The following NREP variants were observed in gnomAD, a reference collection of about 807,000 sequenced individuals.
NREP encodes neuronal regeneration related protein.
A neutral mutation model predicts 8.6 loss-of-function variants in NREP; 5 were observed. The ratio of observed to expected loss-of-function variants is 0.58; its 90% CI spans 0.30 to 1.22. The LOEUF (loss-of-function observed/expected upper bound fraction) is 1.22, where lower values mean the gene tolerates loss of function less well. Among genes scored for constraint, NREP ranks in the 50% most tolerant of loss-of-function variants. The pLI is 0.07. For missense variants in NREP, 86 were observed against 82.5 expected, an observed-to-expected ratio of 1.04 and a Z score of -0.17; for synonymous variants, 27 against 28.0, an observed-to-expected ratio of 0.96 and a Z score of 0.11.
rs148725866 is a variant in NREP, at chr5:111,928,585, T to A, written c.135+46689A>T. ...CCTGATGAAATAATGTGTTGCCCCC[T>A]CTAATATTTTTCTACTGGAGCCTCT... is the stretch of plus-strand genomic sequence containing the variant. On this transcript the variant is annotated intron_variant, in intron 2 of 3. Transcript: ENST00000395634. Among the ~76,000 whole-genome samples, 61 of 152,262 alleles carry A rather than the reference T, an allele frequency of 4.0e-4. No individual in the cohort carries two copies. In the East Asian group the frequency reaches 0.012, roughly 29 times the overall value.
chr5:111,915,390 C>T (rs1025669274), intron 2 of NREP, among the ~76,000 whole-genome samples: 1 of 151,994 alleles, frequency 6.6e-6, no homozygotes. Context: ...GAGTTAACCT[C>T]TAGGGAACCT....
At chr5:111,894,970 T>C (rs1211902171) in intron 2 of NREP, among the ~76,000 whole-genome samples, 1 of 152,250 alleles carries the variant, frequency 6.6e-6, no homozygotes, top group African/African-American at 2.4e-5. Flanking sequence ...GCAAATAGTC[T>C]GTTTAGAGAG....
intron 2 of NREP, among the ~76,000 whole-genome samples, chr5:111,953,274 C>T (rs1756216669): frequency 6.6e-6 from 1 of 152,116 alleles, no homozygotes; most frequent in Non-Finnish European, 1.5e-5. Flanking sequence ...GGGCAGTGCA[C>T]AAGCTGGTGC....
chr5:111,892,419 GA>G (rs1251871652), intron 2 of NREP, among the ~76,000 whole-genome samples: 2 of 152,186 alleles, frequency 1.3e-5, no homozygotes, highest in Non-Finnish European at 2.9e-5. Context: ...TGTACTAAAA[GA>G]GAGTCACTCA....
chr5:111,905,522 C>A (rs1754760080), intron 2 of NREP, among the ~76,000 whole-genome samples: 1 of 152,078 alleles, frequency 6.6e-6, no homozygotes, highest in African/African-American at 2.4e-5. Context: ...GAAGAATAGA[C>A]CGTGGCTTAA....
chr5:111,744,176 T>A (rs1204204608), intron 2 of NREP, among the ~76,000 whole-genome samples: 2 of 152,160 alleles, frequency 1.3e-5, no homozygotes, highest in Non-Finnish European at 2.9e-5. Context: ...AACTATTCAC[T>A]CTTTCCATCA....
At chr5:111,788,277 T>C (rs965387803) in intron 2 of NREP, among the ~76,000 whole-genome samples, 6 of 152,208 alleles carry the variant, frequency 3.9e-5, no homozygotes, top group Non-Finnish European at 5.9e-5. Flanking sequence ...CTAACATAAA[T>C]TGTTTGCATT....
chr5:111,761,309 T>C (rs1750955085), upstream of NREP, among the ~76,000 whole-genome samples: 1 of 152,226 alleles, frequency 6.6e-6, no homozygotes. Flanking sequence ...TCAGATTGAA[T>C]GAGGGCACTT....
At chr5:111,733,196 CTA>C in intron 3 of NREP, 1 of 152,284 alleles carries the variant, frequency 6.6e-6, no homozygotes, top group Non-Finnish European at 1.5e-5. Context: ...CTGGAGTACT[CTA>C]TTCGATTTCA....
At chr5:111,819,466 T>C (rs1255125367) in intron 2 of NREP, among the ~76,000 whole-genome samples, 1 of 152,192 alleles carries the variant, frequency 6.6e-6, no homozygotes, top group East Asian at 1.9e-4. Context: ...TACCCTTCTA[T>C]AGAAGTAAAA....
At chr5:111,803,819 A>C (rs1329469965) in intron 2 of NREP, among the ~76,000 whole-genome samples, 3 of 152,218 alleles carry the variant, frequency 2.0e-5, no homozygotes, top group African/African-American at 7.2e-5. Context: ...CAGGTACAAA[A>C]GATGAAATAA....
At chr5:111,906,167 T>C (rs1185980263) in intron 2 of NREP, among the ~76,000 whole-genome samples, 3 of 152,104 alleles carry the variant, frequency 2.0e-5, no homozygotes, top group Non-Finnish European at 4.4e-5. Context: ...CCTCATAATA[T>C]AACCATTGTT....
At chr5:111,944,324 T>C (rs1380284790) in intron 2 of NREP, among the ~76,000 whole-genome samples, 1 of 152,138 alleles carries the variant, frequency 6.6e-6, no homozygotes, top group African/African-American at 2.4e-5. Context: ...TTTTTCTTTT[T>C]TGAGACAAGG....
Position 111,889,425 on chromosome 5 carries a change from C to T in NREP, c.135+85849G>A, listed in dbSNP as rs78510897. 0.016 allele frequency among the ~76,000 whole-genome samples: 2,375 copies of T among 152,254 alleles called. 113 individuals carry two copies. In the East Asian group the frequency reaches 0.18, roughly 12 times the overall value. On this transcript the variant is annotated intron_variant, in intron 2 of 3. Coordinates refer to the NREP transcript ENST00000395634. ...ATCACCTTTCACCAGGCCTCACCTC[C>T]GACATTGGGGATTACATATCAACAC...
At position 111,960,182 on chromosome 5, in the gene NREP, C is replaced by T. The variant is rs151100753; in HGVS notation, c.135+15092G>A. Among the ~76,000 whole-genome samples the T allele has an allele frequency of 4.5e-3, 688 of 152,146 alleles. 7 individuals are homozygous for T. Among genetic ancestry groups the T allele is most frequent in the African/African-American group, 0.016 (656 of 41,522 alleles). Reference sequence around the variant, plus strand: ...CACTGGCTGTGAGATTTTTAACATTCGCACCTAGCAAAATTAAAAATCAGA... The same window carrying T: ...CACTGGCTGTGAGATTTTTAACATTTGCACCTAGCAAAATTAAAAATCAGA... On this transcript the variant is annotated intron_variant, in intron 2 of 3. Coordinates refer to the NREP transcript ENST00000395634.
At chr5:111,915,869 T>C (rs1433944386) in intron 2 of NREP, among the ~76,000 whole-genome samples, 1 of 152,152 alleles carries the variant, frequency 6.6e-6, no homozygotes, top group East Asian at 1.9e-4. Flanking sequence ...ACCAGTACCT[T>C]GGGACATTAA....
intron 2 of NREP, among the ~76,000 whole-genome samples, chr5:111,871,712 C>G (rs1452770003): frequency 1.3e-5 from 2 of 151,690 alleles, no homozygotes; most frequent in East Asian, 3.9e-4. Flanking sequence ...CACAAACCAT[C>G]TATTAGCCCA....
intron 2 of NREP, among the ~76,000 whole-genome samples, chr5:111,762,788 G>A (rs888019881): frequency 1.3e-5 from 2 of 152,156 alleles, no homozygotes; most frequent in South Asian, 2.1e-4. Flanking sequence ...CTTTGTTATC[G>A]CAACCGTGGG....
At chr5:111,817,004 C>A (rs1752399231) in intron 2 of NREP, among the ~76,000 whole-genome samples, 1 of 151,954 alleles carries the variant, frequency 6.6e-6, no homozygotes, top group Non-Finnish European at 1.5e-5. Context: ...ATATATTCAA[C>A]CAAATGATTT....
Sources: gnomAD v4.1 joint callset for allele counts (sites outside exome capture counted in the v4.1 genomes callset) on GRCh38, gnomAD v4.1.1 for gene constraint, MANE v1.5 for transcripts, NCBI Gene and HGNC (gene_info 2026-07-23, HGNC 2026-07-21) for gene names.